C11orf58: variants seen among roughly 807,000 people sequenced by gnomAD.
The protein encoded by C11orf58 is small acidic protein.
C11orf58 carries 5 observed loss-of-function variants against 22.7 expected under a neutral mutation model. That is an observed-to-expected ratio of 0.22 (90% CI 0.12 to 0.46). The LOEUF is 0.46. Among genes scored for constraint, C11orf58 ranks in the 20% least tolerant of loss-of-function variants. The probability of loss-of-function intolerance (pLI) is 0.99; values close to 1 mark genes in which losing one functional copy is unlikely to be tolerated. For missense variants in C11orf58, 151 were observed against 223.3 expected, an observed-to-expected ratio of 0.68 and a Z score of 2.06; for synonymous variants, 71 against 70.7, an observed-to-expected ratio of 1.00 and a Z score of -0.02.
chr11:16,738,736 G>A lies in C11orf58; in HGVS notation c.-43G>A, dbSNP rs1848416925. On this transcript the variant is annotated 5_prime_UTR_variant, in exon 1 of 5. Transcript: ENST00000228136. ...GCTGCTGGTTTTGCGGCTGGGAAGA[G>A]CGGCGAGAGGGTTCGGCATTTTTCG... 1.9e-6 allele frequency: 3 copies of A among 1,609,374 alleles called. No individual in the cohort carries two copies. The highest frequency in any genetic ancestry group is 4.5e-5 in the East Asian group (2 of 44,840).
rs1848570042 is a variant in C11orf58 at position 16,755,507 on chromosome 11, G to T, written c.*403G>T. Reference sequence around the variant, plus strand: ...TATTCTTTAATTATTCTTTGTTATAGTAGAGCTGTTCATTATGGATATTTC... The same window carrying T: ...TATTCTTTAATTATTCTTTGTTATATTAGAGCTGTTCATTATGGATATTTC... On this transcript the variant is annotated 3_prime_UTR_variant, in exon 5 of 5. Coordinates refer to ENST00000228136, the MANE Select transcript of C11orf58 (RefSeq NM_014267.6). 6.3e-6 allele frequency: 1 copy of T among 157,826 alleles called. No homozygotes were observed. The highest frequency in any genetic ancestry group is 1.4e-5 in the Non-Finnish European group (1 of 71,560). The allele number at this position is 157,826 out of a possible 1,614,324, so 9.8% of individuals were successfully genotyped here.
At position 16,738,654 on chromosome 11, in the gene C11orf58, G is replaced by C; in HGVS notation, c.-125G>C. On this transcript the variant is annotated 5_prime_UTR_variant, in exon 1 of 5. Coordinates refer to ENST00000228136, the MANE Select transcript of C11orf58 (RefSeq NM_014267.6). ...AACGGTGACGACTGTGGCAGAGAAGGCCCGGAGGGGCTCTGCGTTCTGTAG... is the reference window on the plus strand; with the variant it reads ...AACGGTGACGACTGTGGCAGAGAAGCCCCGGAGGGGCTCTGCGTTCTGTAG... 9.3e-7 allele frequency: 1 copy of C among 1,075,202 alleles called. No homozygotes were observed. The highest frequency in any genetic ancestry group is 1.4e-6 in the Non-Finnish European group (1 of 702,824). The allele number at this position is 1,075,202 out of a possible 1,614,324, so 66.6% of individuals were successfully genotyped here.
chr11:16,752,273 C>T (rs1848539439), intron 3 of C11orf58: 1 of 152,670 alleles, frequency 6.6e-6, no homozygotes, highest in African/African-American at 2.4e-5. Context: ...CACCACCACC[C>T]CCCTCCATGG....
intron 2 of C11orf58, among the ~76,000 whole-genome samples, chr11:16,744,972 A>G (rs899099661): frequency 6.6e-6 from 1 of 152,330 alleles, no homozygotes; most frequent in African/African-American, 2.4e-5. Context: ...GATTTGCCAT[A>G]TGTTGGCCCA....
chr11:16,749,527 G>A (rs1590074577), intron 3 of C11orf58: 1 of 152,222 alleles, frequency 6.6e-6, no homozygotes, highest in Admixed American at 6.5e-5. Flanking sequence ...CACATAGCAG[G>A]AGGTGAGTGG....
At chr11:16,752,496 G>GT (rs1304503486) in intron 3 of C11orf58, 1 of 196,186 alleles carries the variant, frequency 5.1e-6, no homozygotes, top group Non-Finnish European at 1.0e-5. Flanking sequence ...TTGTTAGAGA[G>GT]TTTTTATTAG....
intron 2 of C11orf58, among the ~76,000 whole-genome samples, chr11:16,745,267 C>T (rs960520326): frequency 1.3e-5 from 2 of 152,182 alleles, no homozygotes; most frequent in South Asian, 2.1e-4. Context: ...GTTTGGTTAA[C>T]GTTAATAGAA....
Position 16,755,014 on chromosome 11 carries a change from T to C in C11orf58, c.462T>C (p.Ala154=). 6.2e-7 allele frequency: 1 copy of C among 1,614,128 alleles called. No individual in the cohort carries two copies. Among genetic ancestry groups the C allele is most frequent in the Non-Finnish European group, 8.5e-7 (1 of 1,180,018 alleles). ...KEESAEELQA[A]EHPDEVEDPK... The stretch of plus-strand genomic sequence containing the variant: ...AATCTGCTGAAGAACTCCAAGCTGC[T>C]GAGCACCCTGATGAAGTGGAGGATC... Residue 154 remains alanine, a synonymous_variant, in exon 5 of 5, where the codon GCT becomes GCC. Transcript: ENST00000228136.
Position 16,752,769 on chromosome 11 carries a change from T to C in C11orf58, c.209-16T>C, listed in dbSNP as rs1564884983. On this transcript the variant is annotated splice_polypyrimidine_tract_variant and intron_variant, in intron 3 of 4. Coordinates refer to ENST00000228136, the MANE Select transcript of C11orf58 (RefSeq NM_014267.6). Reference sequence around the variant, plus strand: ...TAATTTGACTGAAACATAACTAAAGTATCCTGGACATGCAGGGGAAGAAGA... The same window carrying C: ...TAATTTGACTGAAACATAACTAAAGCATCCTGGACATGCAGGGGAAGAAGA... 6.5e-7 allele frequency: 1 copy of C among 1,545,668 alleles called. No individual in the cohort carries two copies. The highest frequency in any genetic ancestry group is 1.4e-5 in the African/African-American group (1 of 72,896).
chr11:16,741,128 A>G (rs1848445114), intron 1 of C11orf58, among the ~76,000 whole-genome samples: 1 of 151,752 alleles, frequency 6.6e-6, no homozygotes, highest in African/African-American at 2.4e-5. Flanking sequence ...GTTATAATAT[A>G]TAGTTGGGAA....
At chr11:16,742,201 T>A (rs1848453644) in intron 1 of C11orf58, among the ~76,000 whole-genome samples, 1 of 152,230 alleles carries the variant, frequency 6.6e-6, no homozygotes, top group African/African-American at 2.4e-5. Flanking sequence ...CACAATTTTT[T>A]AACTTCTATA....
intron 2 of C11orf58, among the ~76,000 whole-genome samples, chr11:16,745,723 A>C (rs1037359145): frequency 3.3e-5 from 5 of 152,200 alleles, no homozygotes; most frequent in Non-Finnish European, 5.9e-5. Context: ...GAAAATATCT[A>C]TTGTAAAAAC....
At chr11:16,748,073 A>G (rs1220644360) in intron 2 of C11orf58, 24 bp from the exon 3 acceptor site, 1 of 1,582,462 alleles carries the variant, frequency 6.3e-7, no homozygotes, top group African/African-American at 1.3e-5. Context: ...CTCAAATGCT[A>G]ATACATTTTC....
At chr11:16,750,777 A>C (rs1848526649) in intron 3 of C11orf58, 1 of 153,106 alleles carries the variant, frequency 6.5e-6, no homozygotes, top group South Asian at 2.1e-4. Flanking sequence ...CTTTAAATAC[A>C]TATCAGGAAA....
intron 2 of C11orf58, among the ~76,000 whole-genome samples, chr11:16,744,914 A>C (rs1564883474): frequency 6.6e-6 from 1 of 152,182 alleles, no homozygotes; most frequent in Non-Finnish European, 1.5e-5. Context: ...ACAGAGAAAA[A>C]TTTGGTTCAA....
chr11:16,739,350 A>G (rs2134065625), intron 1 of C11orf58: 1 of 157,466 alleles, frequency 6.4e-6, no homozygotes, highest in South Asian at 1.8e-4. Context: ...TATTGAGCCG[A>G]AAATTGTGCC....
chr11:16,738,693 G>C lies in C11orf58; in HGVS notation c.-86G>C. 1 of 1,444,536 alleles carries C rather than the reference G, an allele frequency of 6.9e-7. No homozygotes were observed. The highest frequency in any genetic ancestry group is 9.7e-7 in the Non-Finnish European group (1 of 1,028,376). The allele number at this position is 1,444,536 out of a possible 1,614,324, so 89.5% of individuals were successfully genotyped here. A position where few individuals can be genotyped will look rare whatever the true frequency, so the allele number is the denominator to read the frequency against. ...TGCGTTCTGTAGTGGCGCTGCTTGG[G>C]CCCTTGGCGGATTGTAAGCTGCTGG... is the stretch of plus-strand genomic sequence containing the variant. On this transcript the variant is annotated 5_prime_UTR_variant, in exon 1 of 5. Transcript: ENST00000228136.
intron 1 of C11orf58, 113 bp downstream of exon 1, chr11:16,738,954 A>T: frequency 8.4e-7 from 1 of 1,190,404 alleles, no homozygotes; most frequent in Non-Finnish European, 1.2e-6. Flanking sequence ...GGGAGAGCCC[A>T]GGGAAGAAAC....
intron 2 of C11orf58, among the ~76,000 whole-genome samples, chr11:16,744,910 A>G (rs1197510575): frequency 2.0e-5 from 3 of 152,178 alleles, no homozygotes; most frequent in African/African-American, 7.2e-5. Context: ...CTGTACAGAG[A>G]AAAATTTGGT....
Sources: gnomAD v4.1 joint callset for allele counts (sites outside exome capture counted in the v4.1 genomes callset) on GRCh38, gnomAD v4.1.1 for gene constraint, MANE v1.5 for transcripts, NCBI Gene and HGNC (gene_info 2026-07-23, HGNC 2026-07-21) for gene names.